The following ASCC3 variants were observed in gnomAD, a reference collection of about 807,000 sequenced individuals.
The protein encoded by ASCC3 is ASC-1 complex subunit P200.
A neutral mutation model predicts 256.3 loss-of-function variants in ASCC3; 158 were observed. The ratio of observed to expected loss-of-function variants is 0.62; its 90% CI spans 0.54 to 0.70. The LOEUF (loss-of-function observed/expected upper bound fraction) is 0.70. Among genes scored for constraint, ASCC3 ranks in the 30% least tolerant of loss-of-function variants. The pLI is 0.00. For missense variants in ASCC3, 2,259 were observed against 2,626.0 expected (o/e 0.86, Z 3.05); for synonymous variants, 948 against 883.4 (o/e 1.07, Z -1.30).
At chr6:100,651,827 CAA>C (rs748194432) in intron 18 of ASCC3, among the ~76,000 whole-genome samples, 181 bp from the exon 19 acceptor site, 21 of 151,734 alleles carry the variant, frequency 1.4e-4, no homozygotes, top group Middle Eastern at 3.4e-3. Flanking sequence ...TATCAAAGAC[CAA>C]AGAAAATTCC....
At chr6:100,792,274 C>T (rs866552471) in intron 8 of ASCC3, among the ~76,000 whole-genome samples, 10 of 151,774 alleles carry the variant, frequency 6.6e-5, no homozygotes, top group African/African-American at 2.2e-4. Context: ...GGGTATATTT[C>T]GTGAAGCAAA....
chr6:100,512,977 A>T (rs1582365373), intron 39 of ASCC3, 59 bp from the exon 40 acceptor site: 1 of 1,461,010 alleles, frequency 6.8e-7, no homozygotes, highest in East Asian at 2.3e-5. Flanking sequence ...GCAATGATCA[A>T]TTAAGAAATA....
intron 10 of ASCC3, among the ~76,000 whole-genome samples, chr6:100,728,136 T>TC (rs1415447573): frequency 6.6e-6 from 1 of 152,062 alleles, no homozygotes; most frequent in African/African-American, 2.4e-5. Flanking sequence ...AGTATATAAT[T>TC]ATGCTATAGT....
intron 10 of ASCC3, among the ~76,000 whole-genome samples, chr6:100,758,437 G>T (rs1030799003): frequency 2.0e-5 from 3 of 151,952 alleles, no homozygotes; most frequent in Admixed American, 6.6e-5. Flanking sequence ...TTCTCCCTGT[G>T]TCCATGTGTT....
intron 30 of ASCC3, among the ~76,000 whole-genome samples, chr6:100,615,364 T>C (rs1268493372): frequency 6.6e-6 from 1 of 151,970 alleles, no homozygotes; most frequent in Non-Finnish European, 1.5e-5. Flanking sequence ...TTCTATTCGA[T>C]ATTGTTGTCA....
chr6:100,651,638 A>G lies in ASCC3; in HGVS notation c.2997T>C (p.Asn999=). 1 of 1,564,322 alleles carries G rather than the reference A, an allele frequency of 6.4e-7. No individual in the cohort carries two copies. ...YIKYNTIETF[N]ELFDAHKTEG... is the part of the protein sequence containing the mutation. ...CTGTTTTGTGAGCATCAAAGAGTTC[A>G]TTAAAGGTCTACCAAAGTAAGTGTT... The change falls in exon 19 of 42, where the codon AAT becomes AAC. Residue 999 remains asparagine, a synonymous_variant. Coordinates refer to ENST00000369162, the MANE Select transcript of ASCC3 (RefSeq NM_006828.4).
At chr6:100,591,604 G>A (rs1034566355) in intron 34 of ASCC3, among the ~76,000 whole-genome samples, 6 of 151,966 alleles carry the variant, frequency 3.9e-5, no homozygotes, top group African/African-American at 1.4e-4. Flanking sequence ...GATTTGTAGA[G>A]TAAGAATCAA....
chr6:100,636,125 C>T (rs141406319), intron 25 of ASCC3, among the ~76,000 whole-genome samples: 15 of 152,230 alleles, frequency 9.9e-5, no homozygotes, highest in East Asian at 3.9e-4. Flanking sequence ...CTGCACTTTG[C>T]GGATATTGTT....
chr6:100,843,386 G>A (rs846773), intron 4 of ASCC3, among the ~76,000 whole-genome samples: 107,383 of 152,010 alleles, frequency 0.71, 38,158 homozygotes, highest in East Asian at 0.75. Context: ...TAATACTAAC[G>A]GCAAATGTCA....
chr6:100,590,357 A>G (rs537454963), intron 34 of ASCC3, among the ~76,000 whole-genome samples: 13 of 152,214 alleles, frequency 8.5e-5, no homozygotes, highest in African/African-American at 1.7e-4. Flanking sequence ...GGAAAAATAC[A>G]TAAGTCCAGC....
chr6:100,706,252 A>G (rs975495777), intron 13 of ASCC3, among the ~76,000 whole-genome samples: 2 of 151,456 alleles, frequency 1.3e-5, no homozygotes, highest in African/African-American at 4.8e-5. Context: ...TATACAAATC[A>G]CCTACTTAAA....
At chr6:100,542,899 T>G (rs1775535295) in intron 36 of ASCC3, among the ~76,000 whole-genome samples, 1 of 152,076 alleles carries the variant, frequency 6.6e-6, no homozygotes, top group Non-Finnish European at 1.5e-5. Flanking sequence ...GCACTAAAAG[T>G]GGTAATTTCA....
chr6:100,789,290 C>A (rs1253756221), intron 8 of ASCC3, among the ~76,000 whole-genome samples: 1 of 151,738 alleles, frequency 6.6e-6, no homozygotes, highest in African/African-American at 2.4e-5. Context: ...ATACACTGAA[C>A]CCACAACTCA....
chr6:100,872,350 C>A (rs543453199), intron 1 of ASCC3, among the ~76,000 whole-genome samples: 1 of 151,906 alleles, frequency 6.6e-6, no homozygotes, highest in Non-Finnish European at 1.5e-5. Context: ...CAAGATAATA[C>A]ACTCAACCTC....
chr6:100,678,854 T>C (rs574554634), intron 14 of ASCC3, among the ~76,000 whole-genome samples: 1 of 152,308 alleles, frequency 6.6e-6, no homozygotes, highest in East Asian at 1.9e-4. Flanking sequence ...ATGTTTATGT[T>C]CTGACAAAAC....
In ASCC3 at chr6:100,715,987, C is replaced by A. The variant is rs145545404; in HGVS notation, c.2080-454G>T. Among the ~76,000 whole-genome samples, 14 of 151,768 alleles carry A rather than the reference C, an allele frequency of 9.2e-5. No homozygotes were observed. In the East Asian group the frequency reaches 2.7e-3, roughly 29 times the overall value. ...ATCAAGTGTCAAATGGCACACAGAG[C>A]TAAAACATAAGGTAACACACTATTT... On this transcript the variant is annotated intron_variant, in intron 12 of 41. Coordinates refer to ENST00000369162, the MANE Select transcript of ASCC3 (RefSeq NM_006828.4).
intron 36 of ASCC3, among the ~76,000 whole-genome samples, chr6:100,549,732 A>T (rs976614104): frequency 2.0e-5 from 3 of 151,966 alleles, no homozygotes; most frequent in African/African-American, 4.8e-5. Flanking sequence ...TAAAAAAAAA[A>T]TTTTCCTTCA....
chr6:100,877,704 A>G (rs1441711670), intron 1 of ASCC3, among the ~76,000 whole-genome samples: 3 of 152,164 alleles, frequency 2.0e-5, no homozygotes, highest in Non-Finnish European at 4.4e-5. Context: ...GAAGGCAGAG[A>G]CAGACAAAAA....
intron 36 of ASCC3, among the ~76,000 whole-genome samples, chr6:100,563,748 C>A (rs371044444): frequency 6.6e-5 from 10 of 152,054 alleles, no homozygotes; most frequent in African/African-American, 2.2e-4. Flanking sequence ...AATAATGATA[C>A]TTGTTATATG....
Sources: allele counts gnomAD v4.1 joint callset (sites outside exome capture counted in the v4.1 genomes callset), GRCh38; gene constraint gnomAD v4.1.1; transcripts MANE v1.5; gene names NCBI Gene and HGNC (gene_info 2026-07-23, HGNC 2026-07-21).